The following TNRC6A variants were observed in gnomAD, a reference collection of about 807,000 sequenced individuals.
TNRC6A encodes the protein trinucleotide repeat containing adaptor 6A.
A neutral mutation model predicts 221.2 loss-of-function variants in TNRC6A; 44 were observed. That is an observed-to-expected ratio of 0.20 (90% confidence interval 0.16 to 0.26). TNRC6A has a LOEUF of 0.26. TNRC6A is among the 10% of genes least tolerant of loss of function. The pLI is 1.00. For synonymous variants in TNRC6A, 847 were observed against 838.5 expected (o/e 1.01, Z -0.18); for missense variants, 2,199 against 2,404.4 (o/e 0.91, Z 1.79).
chr16:24,806,912 G>A, intron 17 of TNRC6A, 128 bp downstream of exon 17: 1 of 874,872 alleles, frequency 1.1e-6, no homozygotes, highest in South Asian at 1.7e-5. Flanking sequence ...TTCCCTCTCA[G>A]AGAGTTGCCA....
intron 2 of TNRC6A, among the ~76,000 whole-genome samples, chr16:24,686,844 A>G (rs190245005): frequency 1.3e-5 from 2 of 152,292 alleles, no homozygotes; most frequent in African/African-American, 4.8e-5. Context: ...GGCCTTAGAT[A>G]AATCTCACCC....
chr16:24,739,029 T>C (rs1237081921), intron 2 of TNRC6A, among the ~76,000 whole-genome samples: 1 of 152,186 alleles, frequency 6.6e-6, no homozygotes, highest in African/African-American at 2.4e-5. Context: ...TAATTTTTTC[T>C]ATATTTTGTA....
chr16:24,614,907 T>A lies in TNRC6A; in HGVS notation n.276+4423T>A, dbSNP rs1373990195. 2.6e-5 allele frequency among the ~76,000 whole-genome samples: 4 copies of A among 152,084 alleles called. No homozygotes were observed. The East Asian group carries it at 7.7e-4, about 29-fold the overall frequency. On this transcript the variant is annotated intron_variant and non_coding_transcript_variant, in intron 1 of 2. Transcript: ENST00000566108. ...TAACACAGTGAAACCTCGTCTCTAC[T>A]AAAAATACAAAAATTAGCCAGGCAT...
At chr16:24,653,373 A>T (rs1415202541) in intron 2 of TNRC6A, among the ~76,000 whole-genome samples, 1 of 152,228 alleles carries the variant, frequency 6.6e-6, no homozygotes, top group Non-Finnish European at 1.5e-5. Context: ...TCCAAGAGAC[A>T]AGCCTAATGC....
At chr16:24,693,710 G>A (rs2055801061) in intron 2 of TNRC6A, among the ~76,000 whole-genome samples, 1 of 152,042 alleles carries the variant, frequency 6.6e-6, no homozygotes, top group South Asian at 2.1e-4. Flanking sequence ...GACAAGCCTG[G>A]GCAACATGGC....
At chr16:24,647,465 A>G (rs1456048253) in intron 2 of TNRC6A, among the ~76,000 whole-genome samples, 1 of 152,146 alleles carries the variant, frequency 6.6e-6, no homozygotes, top group Non-Finnish European at 1.5e-5. Context: ...AACTAATTTC[A>G]TTGGGTTTTC....
chr16:24,727,025 CTT>C (rs371206942), upstream of TNRC6A, among the ~76,000 whole-genome samples: 20 of 138,622 alleles, frequency 1.4e-4, no homozygotes, highest in Admixed American at 1.5e-4. Context: ...GAAATCACAT[CTT>C]TTTTTTTTTT....
intron 2 of TNRC6A, among the ~76,000 whole-genome samples, chr16:24,721,412 T>C (rs551065935): frequency 6.6e-6 from 1 of 152,300 alleles, no homozygotes; most frequent in East Asian, 1.9e-4. Flanking sequence ...CTCATGCCTG[T>C]AATCCTGGCA....
At chr16:24,801,641 TCCACG>T (rs1211248342) in intron 11 of TNRC6A, among the ~76,000 whole-genome samples, 1 of 149,690 alleles carries the variant, frequency 6.7e-6, no homozygotes, top group South Asian at 2.2e-4. Context: ...TTCTCCTGCC[TCCACG>T]CCCAGCTAAT....
Position 24,793,561 on chromosome 16 carries a change from TC to T in TNRC6A, c.3267del (p.Ser1090AlafsTer25). The part of the protein sequence containing the change: ...SAWGKPIDSG[P>X]SWGEPIAAAS... The stretch of plus-strand genomic sequence containing the variant: ...CATGGGGTAAGCCCATAGACAGTGG[TC>T]CCAGCTGGGGGGAACCCATTGCTGC... On this transcript the variant is annotated frameshift_variant, in exon 7 of 25. Transcript: ENST00000395799. LOFTEE classifies it high-confidence loss of function. 6.4e-7 allele frequency: 1 copy of T among 1,573,952 alleles called. No individual in the cohort carries two copies. Among genetic ancestry groups the T allele is most frequent in the Non-Finnish European group, 8.6e-7 (1 of 1,159,296 alleles).
At position 24,633,845 on chromosome 16, in the gene TNRC6A, T is replaced by C. The variant is rs369308011; in HGVS notation, n.277-7039T>C. 7.9e-5 allele frequency among the ~76,000 whole-genome samples: 12 copies of C among 151,866 alleles called. 1 individual carries two copies. Among genetic ancestry groups the C allele is most frequent in the Admixed American group, 3.9e-4 (6 of 15,210 alleles). On this transcript the variant is annotated intron_variant and non_coding_transcript_variant, in intron 1 of 2. Coordinates refer to the TNRC6A transcript ENST00000566108. ...ATGCCCAGCCTGGAGTGCAGTGGCA[T>C]GGTCTCAGCTCCCTGCAACCTCTGC...
chr16:24,643,289 C>T (rs1902094500), intron 2 of TNRC6A, among the ~76,000 whole-genome samples: 1 of 151,338 alleles, frequency 6.6e-6, no homozygotes, highest in Admixed American at 6.6e-5. Context: ...CTTTTGTCAT[C>T]AGGAATCCCC....
chr16:24,696,961 A>G (rs1184706236), intron 2 of TNRC6A, among the ~76,000 whole-genome samples: 1 of 152,120 alleles, frequency 6.6e-6, no homozygotes, highest in East Asian at 1.9e-4. Context: ...AACTGATAGC[A>G]TTAAAATGCT....
At position 24,823,565 on chromosome 16, in the gene TNRC6A, G is replaced by A. The variant is rs1168342551; in HGVS notation, c.5647G>A (p.Gly1883Ser). ...TCTCGGGTCCAGCCAGAGCCGGCTG[G>A]GCTCCCTCGACTGTTCCCACTCATT... Reference protein sequence around the residue: ...QSLGSSQSRLGSLDCSHSFSS... With the variant: ...QSLGSSQSRLSSLDCSHSFSS... The change falls in exon 25 of 25, where the codon GGC becomes AGC. Residue 1883 changes from glycine (G) to serine (S), a missense_variant. Coordinates refer to ENST00000395799, the MANE Select transcript of TNRC6A (RefSeq NM_014494.4). This position sits in a 1 kb window ranked among gnomAD's most constrained non-coding sequence, Gnocchi z 4.3. The A allele has an allele frequency of 6.2e-7, 1 of 1,613,990 alleles. No homozygotes were observed. Among genetic ancestry groups the A allele is most frequent in the South Asian group, 1.1e-5 (1 of 91,076 alleles).
Position 24,790,723 on chromosome 16 carries a change from A to T in TNRC6A, c.2081A>T (p.Asp694Val). The T allele has an allele frequency of 6.2e-7, 1 of 1,614,178 alleles. No individual in the cohort carries two copies. Among genetic ancestry groups the T allele is most frequent in the South Asian group, 1.1e-5 (1 of 91,064 alleles). The change falls in exon 6 of 25, where the codon GAC (aspartate) becomes GTC (valine). Residue 694 changes from aspartate to valine, a missense_variant. Coordinates refer to ENST00000395799, the MANE Select transcript of TNRC6A (RefSeq NM_014494.4). ...EKGTGESQSR[D>V]RRKIDQHTLL... ...GGAACTGGGGAAAGTCAGAGTAGAG[A>T]CAGAAGAAAAATTGATCAGCACACA...
rs955435649 is a variant in TNRC6A at position 24,729,689 on chromosome 16, G to GGCGGCGGCGGTGTCT, written c.-143_-142insTGTCTGCGGCGGCGG. 1 of 708,420 alleles carries GGCGGCGGCGGTGTCT rather than the reference G, an allele frequency of 1.4e-6. No individual in the cohort carries two copies. Among genetic ancestry groups the GGCGGCGGCGGTGTCT allele is most frequent in the Non-Finnish European group, 1.9e-6 (1 of 519,752 alleles). The allele number at this position is 708,420 out of a possible 1,614,324, so 43.9% of individuals were successfully genotyped here. On this transcript the variant is annotated 5_prime_UTR_variant, in exon 1 of 25. Transcript: ENST00000395799. ...GGCCTGCGGCGGCGGCGGTGTCGGC[G>GGCGGCGGCGGTGTCT]GCGGCGGCGGCGGCGGCGGCGGCGG...
intron 12 of TNRC6A, 79 bp downstream of exon 12, chr16:24,804,398 C>A (rs1182329155): frequency 6.8e-7 from 1 of 1,475,432 alleles, no homozygotes; most frequent in East Asian, 2.4e-5. Context: ...TATTTTAAAA[C>A]CTTTTATATA....
Position 24,805,629 on chromosome 16 carries a change from G to T in TNRC6A, c.4147G>T (p.Ala1383Ser). 1 of 1,614,190 alleles carries T rather than the reference G, an allele frequency of 6.2e-7. No homozygotes were observed. The highest frequency in any genetic ancestry group is 8.5e-7 in the Non-Finnish European group (1 of 1,180,014). The change falls in exon 15 of 25, where the codon GCA (alanine) becomes TCA (serine). Residue 1383 changes from alanine to serine, a missense_variant. Transcript: ENST00000395799. The stretch of plus-strand genomic sequence containing the variant: ...GGTTCCAGTTTCATTGCTGAAGTAT[G>T]CACCAAACAACGGTGGCCTGAATCC... ...PQVPVSLLKY[A>S]PNNGGLNPLF...
At chr16:24,708,244 G>GTTCTT in intron 2 of TNRC6A, among the ~76,000 whole-genome samples, 1 of 138,508 alleles carries the variant, frequency 7.2e-6, no homozygotes, top group African/African-American at 2.7e-5. Flanking sequence ...ACATGGATGA[G>GTTCTT]TTTTTTTTTT....
Sources: gnomAD v4.1 joint callset for allele counts (sites outside exome capture counted in the v4.1 genomes callset) on GRCh38, gnomAD v4.1.1 for gene constraint, Gnocchi (gnomAD v3.1) non-coding constraint, MANE v1.5 for transcripts, NCBI Gene and HGNC (gene_info 2026-07-23, HGNC 2026-07-21) for gene names.